Variants in PBX3 observed in about 807,000 individuals in gnomAD.
PBX3 encodes the protein pre-B-cell leukemia transcription factor 3.
A neutral mutation model predicts 48.5 loss-of-function variants in PBX3; 14 were observed. The observed-to-expected ratio is 0.29, with a 90% confidence interval of 0.19 to 0.45. The LOEUF is 0.45. Among genes scored for constraint, PBX3 ranks in the 20% least tolerant of loss-of-function variants. PBX3 has a pLI of 1.00. For missense variants in PBX3, 386 were observed against 546.7 expected, an observed-to-expected ratio of 0.71 and a Z score of 2.93; for synonymous variants, 210 against 200.3, an observed-to-expected ratio of 1.05 and a Z score of -0.41.
rs370966240 is a variant in PBX3 at position 125,922,232 on chromosome 9, G to A, written c.516+6305G>A. Among the ~76,000 whole-genome samples, 8 of 152,020 alleles carry A rather than the reference G, an allele frequency of 5.3e-5. No homozygotes were observed. In the East Asian group the frequency reaches 1.3e-3, roughly 26 times the overall value. ...TAAATCCTCAATTATTACTTGGTTT[G>A]GATTTTTAAGGAGAAAGGAAAAAAT... is the stretch of plus-strand genomic sequence containing the variant. On this transcript the variant is annotated intron_variant, in intron 3 of 8. Transcript: ENST00000373489.
chr9:125,963,192 ATCT>A (rs1842467825), intron 8 of PBX3, 91 bp downstream of exon 8: 1 of 638,268 alleles, frequency 1.6e-6, no homozygotes, highest in Non-Finnish European at 2.7e-6. Flanking sequence ...CTGGCTTCTC[ATCT>A]TCTTGGCAGG....
intron 2 of PBX3, among the ~76,000 whole-genome samples, chr9:125,910,622 C>A (rs2132450631): frequency 6.6e-6 from 1 of 151,678 alleles, no homozygotes; most frequent in Middle Eastern, 3.4e-3. Context: ...CACACAGTCA[C>A]CTTAAATAGG....
intron 2 of PBX3, among the ~76,000 whole-genome samples, chr9:125,880,390 G>A (rs1840355404): frequency 6.6e-6 from 1 of 152,182 alleles, no homozygotes; most frequent in Admixed American, 6.5e-5. Flanking sequence ...ACATAGCAGT[G>A]CAACAGACAA....
At chr9:125,937,104 G>A (rs1330279455) in intron 5 of PBX3, among the ~76,000 whole-genome samples, 2 of 152,118 alleles carry the variant, frequency 1.3e-5, no homozygotes, top group Non-Finnish European at 2.9e-5. Context: ...TTTTCTTGCT[G>A]CCACTCTTTT....
At chr9:125,888,383 T>TACG (rs1840551324) in intron 2 of PBX3, among the ~76,000 whole-genome samples, 1 of 152,136 alleles carries the variant, frequency 6.6e-6, no homozygotes, top group Non-Finnish European at 1.5e-5. Context: ...AGTAGACAAA[T>TACG]ACGTGTAAGG....
chr9:125,772,758 A>T (rs1210379146), intron 2 of PBX3, among the ~76,000 whole-genome samples: 1 of 146,382 alleles, frequency 6.8e-6, no homozygotes, highest in African/African-American at 2.4e-5. Flanking sequence ...TTATCTATTC[A>T]TTTATCTCTT....
At position 125,809,057 on chromosome 9, in the gene PBX3, A is replaced by G. The variant is rs545058603; in HGVS notation, c.274+60434A>G. 3.9e-5 allele frequency among the ~76,000 whole-genome samples: 6 copies of G among 152,312 alleles called. No homozygotes were observed. The East Asian group carries it at 9.6e-4, about 24-fold the overall frequency. ...TCTTGAGTGCCATTTTAAACAGGGAAATCACCAACAAAAAGCACAAAATTA... is the reference window on the plus strand; with the variant it reads ...TCTTGAGTGCCATTTTAAACAGGGAGATCACCAACAAAAAGCACAAAATTA... On this transcript the variant is annotated intron_variant, in intron 2 of 8. Transcript: ENST00000373489.
At chr9:125,794,618 C>T (rs1837722177) in intron 2 of PBX3, among the ~76,000 whole-genome samples, 1 of 150,742 alleles carries the variant, frequency 6.6e-6, no homozygotes, top group Admixed American at 6.6e-5. Flanking sequence ...AAAACAATAC[C>T]CTAAACAATT....
chr9:125,946,817 A>G (rs1335018670), intron 5 of PBX3, among the ~76,000 whole-genome samples: 1 of 152,194 alleles, frequency 6.6e-6, no homozygotes, highest in Non-Finnish European at 1.5e-5. Flanking sequence ...GTAATGGCTG[A>G]AAACTTTCCA....
At chr9:125,829,643 A>G (rs776125822) in intron 2 of PBX3, among the ~76,000 whole-genome samples, 1 of 152,176 alleles carries the variant, frequency 6.6e-6, no homozygotes, top group Non-Finnish European at 1.5e-5. Context: ...AAGCCAAACT[A>G]TTAGGCTTGT....
chr9:125,780,967 C>A (rs1837283923), intron 2 of PBX3, among the ~76,000 whole-genome samples: 1 of 114,842 alleles, frequency 8.7e-6, no homozygotes. Flanking sequence ...GGGGTTGCGG[C>A]CGGGCAGAGG....
intron 2 of PBX3, among the ~76,000 whole-genome samples, chr9:125,890,918 A>ACCT (rs1840626624): frequency 6.6e-6 from 1 of 152,232 alleles, no homozygotes; most frequent in African/African-American, 2.4e-5. Context: ...GCATTTAATG[A>ACCT]GTAAATCCTG....
intron 2 of PBX3, among the ~76,000 whole-genome samples, chr9:125,765,338 C>A (rs1337593566): frequency 6.6e-6 from 1 of 151,914 alleles, no homozygotes; most frequent in South Asian, 2.1e-4. Flanking sequence ...TTTGTACAGA[C>A]TGTTGTTCAC....
intron 2 of PBX3, among the ~76,000 whole-genome samples, chr9:125,873,222 CAG>C (rs1840170966): frequency 6.6e-6 from 1 of 151,422 alleles, no homozygotes; most frequent in Non-Finnish European, 1.5e-5. Flanking sequence ...CAAAAATTGA[CAG>C]AATTTCAAGG....
chr9:125,926,877 T>C (rs1782604805), intron 3 of PBX3, among the ~76,000 whole-genome samples: 1 of 152,192 alleles, frequency 6.6e-6, no homozygotes, highest in African/African-American at 2.4e-5. Context: ...AGATCTTAAA[T>C]TTATTTTTTT....
In PBX3 at chr9:125,963,024, C is replaced by T. The variant is rs778017986; in HGVS notation, c.1135C>T (p.Arg379Cys). The T allele has an allele frequency of 1.6e-5, 26 of 1,601,140 alleles. 1 individual carries two copies. Among genetic ancestry groups the T allele is most frequent in the South Asian group, 7.8e-5 (7 of 89,874 alleles). ...GTCTCACTTCTAGGTGGATACCCTC[C>T]GTCATGTTATCAATCAGACGGGAGG... ...ANVQSQVDTLRHVINQTGGYS... is the reference protein window; with the variant it reads ...ANVQSQVDTLCHVINQTGGYS... Residue 379 changes from arginine to cysteine, a missense_variant, in exon 8 of 9, where the codon CGT becomes TGT. By Grantham distance (180) the Arg-to-Cys change is radical. Coordinates refer to ENST00000373489, the MANE Select transcript of PBX3 (RefSeq NM_006195.6).
At chr9:125,933,436 C>T (rs2132523712) in intron 4 of PBX3, among the ~76,000 whole-genome samples, 1 of 152,274 alleles carries the variant, frequency 6.6e-6, no homozygotes, top group Middle Eastern at 3.4e-3. Context: ...TAAAAACCAC[C>T]CCTGGGCAAA....
chr9:125,791,778 A>C (rs12238880), intron 2 of PBX3, among the ~76,000 whole-genome samples: 3,042 of 152,002 alleles, frequency 0.02, 167 homozygotes, highest in East Asian at 0.17. Context: ...TACTGAAAAT[A>C]GAAAAAAATT....
chr9:125,963,490 C>T (rs1436540535), intron 8 of PBX3, among the ~76,000 whole-genome samples: 6 of 152,184 alleles, frequency 3.9e-5, no homozygotes, highest in Non-Finnish European at 8.8e-5. Flanking sequence ...GGCAGACCAG[C>T]AAACCAAGCT....
Sources: gnomAD v4.1 joint callset for allele counts (sites outside exome capture counted in the v4.1 genomes callset) on GRCh38, gnomAD v4.1.1 for gene constraint, MANE v1.5 for transcripts, NCBI Gene and HGNC (gene_info 2026-07-23, HGNC 2026-07-21) for gene names.